TRPC4: variants seen among roughly 807,000 people sequenced by gnomAD.
TRPC4 encodes the protein transient receptor potential cation channel subfamily C member 4.
TRPC4 carries 49 observed loss-of-function variants against 99.4 expected under a neutral mutation model. That is an observed-to-expected ratio of 0.49 (90% confidence interval 0.39 to 0.63). The LOEUF is 0.63. TRPC4 is among the 20% of genes least tolerant of loss of function. TRPC4 has a pLI of 0.00. For synonymous variants in TRPC4, 454 were observed against 425.9 expected (o/e 1.07, Z -0.81); for missense variants, 898 against 1,152.9 (o/e 0.78, Z 3.20).
intron 1 of TRPC4, among the ~76,000 whole-genome samples, chr13:37,784,187 AT>A (rs1264127967): frequency 1.3e-5 from 2 of 152,170 alleles, no homozygotes; most frequent in Admixed American, 1.3e-4. Context: ...AAGCAATTCA[AT>A]TTCCAGAAGA....
rs1444127338 is a variant in TRPC4 at position 37,637,568 on chromosome 13, T to G, written c.2269A>C (p.Ser757Arg). 2 of 1,611,890 alleles carry G rather than the reference T, an allele frequency of 1.2e-6. No individual in the cohort carries two copies. The highest frequency in any genetic ancestry group is 2.2e-5 in the East Asian group (1 of 44,878). Residue 757 changes from serine to arginine, a missense_variant, in exon 11 of 11, where the codon AGC becomes CGC. Physicochemically the swap from Ser to Arg is moderately radical, Grantham distance 110 (BLOSUM62 -1). Transcript: ENST00000379705. ...GCAGATTGTATTGTGGAAAGTTTGC[T>G]TCCTCTTAGTAATCCCAGGACTTCA... ...RFEVLGLLRG[S>R]KLSTIQSANA...
Position 37,692,357 on chromosome 13 carries a change from A to G in TRPC4, c.898-22T>C, listed in dbSNP as rs766187858. The G allele has an allele frequency of 1.8e-5, 28 of 1,591,486 alleles. No homozygotes were observed. In the East Asian group the frequency reaches 6.3e-4, roughly 36 times the overall value. On this transcript the variant is annotated intron_variant, in intron 3 of 10. Coordinates refer to ENST00000379705, the MANE Select transcript of TRPC4 (RefSeq NM_016179.4). ...CAAACTAAACAGAAGGGAAAGGAAA[A>G]GGAAAAATAAGTCACAGTTACATGG... is the stretch of plus-strand genomic sequence containing the variant.
At chr13:37,854,698 T>G (rs573728455) in intron 1 of TRPC4, among the ~76,000 whole-genome samples, 1 of 152,214 alleles carries the variant, frequency 6.6e-6, no homozygotes, top group Admixed American at 6.5e-5. Flanking sequence ...TACCAGATTA[T>G]AAGATAATAT....
chr13:37,650,595 C>G (rs1201595084), intron 8 of TRPC4, among the ~76,000 whole-genome samples: 2 of 80,804 alleles, frequency 2.5e-5, no homozygotes, highest in Admixed American at 2.7e-4. Flanking sequence ...CTCTCTGTCT[C>G]TCTCTCTCTC....
chr13:37,816,984 C>T (rs1441683418), intron 1 of TRPC4, among the ~76,000 whole-genome samples: 1 of 152,038 alleles, frequency 6.6e-6, no homozygotes, highest in South Asian at 2.1e-4. Context: ...CCTTCTCTCA[C>T]CACTCTTATT....
At chr13:37,862,276 G>T (rs1959398490) in intron 1 of TRPC4, among the ~76,000 whole-genome samples, 1 of 151,516 alleles carries the variant, frequency 6.6e-6, no homozygotes, top group East Asian at 1.9e-4. Context: ...TGTGGGGTAG[G>T]GTAACATGTG....
chr13:37,750,002 C>T (rs1385184939), intron 2 of TRPC4, among the ~76,000 whole-genome samples: 1 of 152,086 alleles, frequency 6.6e-6, no homozygotes, highest in African/African-American at 2.4e-5. Flanking sequence ...TCAGTTATTA[C>T]TTTTCTCAGA....
At chr13:37,811,988 C>T (rs796498385) in intron 1 of TRPC4, among the ~76,000 whole-genome samples, 10 of 151,864 alleles carry the variant, frequency 6.6e-5, no homozygotes, top group African/African-American at 2.4e-4. Flanking sequence ...CATGGCAAAA[C>T]ACCGTCTCTA....
intron 3 of TRPC4, among the ~76,000 whole-genome samples, chr13:37,705,189 A>T (rs1954230659): frequency 6.6e-6 from 1 of 152,194 alleles, no homozygotes; most frequent in South Asian, 2.1e-4. Flanking sequence ...AAGTGAAATA[A>T]GCCAGACATA....
intron 5 of TRPC4, among the ~76,000 whole-genome samples, chr13:37,669,100 A>T (rs1952751337): frequency 6.6e-6 from 1 of 152,182 alleles, no homozygotes; most frequent in Admixed American, 6.5e-5. Context: ...ATGCAGTTAG[A>T]ACTATTTAGA....
chr13:37,638,821 T>A (rs1951617002), intron 10 of TRPC4, among the ~76,000 whole-genome samples: 2 of 152,186 alleles, frequency 1.3e-5, no homozygotes, highest in African/African-American at 2.4e-5. Context: ...AGCACTAGGC[T>A]TTTCTCTGTA....
At chr13:37,751,247 G>A (rs990787725) in intron 2 of TRPC4, among the ~76,000 whole-genome samples, 11 of 152,042 alleles carry the variant, frequency 7.2e-5, no homozygotes, top group Non-Finnish European at 8.8e-5. Flanking sequence ...TTACAGTGGC[G>A]GGAACATTCA....
chr13:37,815,765 G>A (rs1203643844), intron 1 of TRPC4, among the ~76,000 whole-genome samples: 3 of 151,444 alleles, frequency 2.0e-5, no homozygotes, highest in Non-Finnish European at 4.4e-5. Context: ...GATCAAACAG[G>A]CCTGACAAAC....
Position 37,633,251 on chromosome 13 carries a change from G to A in TRPC4, c.*3652C>T. On this transcript the variant is annotated 3_prime_UTR_variant, in exon 11 of 11. Transcript: ENST00000379705. ...AAATTCTATGGTTAGTTTTAAGTCA[G>A]AATTTCAGATAATACAGAGAAAGAA... 6.6e-6 allele frequency among the ~76,000 whole-genome samples: 1 copy of A among 152,080 alleles called. No individual in the cohort carries two copies. Among genetic ancestry groups the A allele is most frequent in the East Asian group, 1.9e-4 (1 of 5,186 alleles).
chr13:37,868,028 C>G (rs1472962469), intron 1 of TRPC4, among the ~76,000 whole-genome samples: 8 of 151,940 alleles, frequency 5.3e-5, no homozygotes, highest in Non-Finnish European at 1.0e-4. Context: ...CAGTATGAAT[C>G]GATTAAGGTT....
chr13:37,805,284 C>A (rs1230378930), intron 1 of TRPC4, among the ~76,000 whole-genome samples: 2 of 151,902 alleles, frequency 1.3e-5, no homozygotes, highest in African/African-American at 4.8e-5. Flanking sequence ...AATGCAAATA[C>A]GCCACAGACA....
chr13:37,862,178 T>C (rs1289013473), intron 1 of TRPC4, among the ~76,000 whole-genome samples: 3 of 151,382 alleles, frequency 2.0e-5, no homozygotes, highest in Non-Finnish European at 4.4e-5. Flanking sequence ...CTCTACTGTC[T>C]CTAGAGAAAG....
In TRPC4 at chr13:37,770,593, G is replaced by A. The variant is rs116639278; in HGVS notation, c.378+12363C>T. Among the ~76,000 whole-genome samples the A allele has an allele frequency of 8.3e-3, 1,253 of 151,578 alleles. 21 individuals carry two copies. The highest frequency in any genetic ancestry group is 0.028 in the African/African-American group (1,163 of 41,420). ...TAAGCTAGATCTATACTTTCTTAAG[G>A]CTGGTAATTTAAGTTGAGGTCAGGG... On this transcript the variant is annotated intron_variant, in intron 2 of 10. Transcript: ENST00000379705.
At chr13:37,840,419 C>A (rs1480738924) in intron 1 of TRPC4, among the ~76,000 whole-genome samples, 1 of 152,016 alleles carries the variant, frequency 6.6e-6, no homozygotes, top group Non-Finnish European at 1.5e-5. Flanking sequence ...TAGGAAAACT[C>A]TTTTAATATG....
Sources: allele counts gnomAD v4.1 joint callset (sites outside exome capture counted in the v4.1 genomes callset), GRCh38; gene constraint gnomAD v4.1.1; transcripts MANE v1.5; gene names NCBI Gene and HGNC (gene_info 2026-07-23, HGNC 2026-07-21).